CERT1: variants seen among roughly 807,000 people sequenced by gnomAD.
CERT1 encodes ceramide transporter 1, also known as ceramide transfer protein.
A neutral mutation model predicts 87.9 loss-of-function variants in CERT1; 31 were observed. That is an observed-to-expected ratio of 0.35 (90% CI 0.27 to 0.48). The LOEUF (loss-of-function observed/expected upper bound fraction) is 0.48. CERT1 is among the 20% of genes least tolerant of loss of function. The pLI is 0.99. For missense variants in CERT1, 487 were observed against 758.0 expected, an observed-to-expected ratio of 0.64 and a Z score of 4.20; for synonymous variants, 289 against 250.9, an observed-to-expected ratio of 1.15 and a Z score of -1.44.
At chr5:75,449,422 C>A (rs547851242) in intron 3 of CERT1, among the ~76,000 whole-genome samples, 1 of 152,176 alleles carries the variant, frequency 6.6e-6, no homozygotes, top group Non-Finnish European at 1.5e-5. Flanking sequence ...GTAGCGTATT[C>A]TAAATTTTCT....
chr5:75,496,646 C>A (rs768443597), intron 2 of CERT1, among the ~76,000 whole-genome samples: 10 of 152,128 alleles, frequency 6.6e-5, no homozygotes, highest in Middle Eastern at 3.4e-3. Context: ...CAATAAAAAG[C>A]AACAAGTTAA....
intron 8 of CERT1, among the ~76,000 whole-genome samples, chr5:75,403,428 T>C (rs531923361): frequency 5.9e-5 from 9 of 152,344 alleles, no homozygotes; most frequent in African/African-American, 1.4e-4. Flanking sequence ...AGTAATAATA[T>C]GACATGTGTG....
intron 7 of CERT1, among the ~76,000 whole-genome samples, chr5:75,415,608 T>A (rs1763102485): frequency 6.6e-6 from 1 of 152,164 alleles, no homozygotes; most frequent in Non-Finnish European, 1.5e-5. Flanking sequence ...GGTTAGAGTA[T>A]ATGACCAAAG....
At chr5:75,370,344 T>A (rs937606268) in intron 17 of CERT1, 2 of 152,206 alleles carry the variant, frequency 1.3e-5, no homozygotes, top group Non-Finnish European at 2.9e-5. Context: ...ATAAATTACC[T>A]GAGTGCAACA....
intron 17 of CERT1, chr5:75,371,357 A>T (rs1663603664): frequency 6.6e-6 from 1 of 152,216 alleles, no homozygotes; most frequent in South Asian, 2.1e-4. Context: ...GTTTAATTGG[A>T]CAAATAACTG....
At chr5:75,419,514 T>TCAGAATCCAGAGTAAAA in intron 5 of CERT1, 90 bp from the exon 6 acceptor site, 1 of 850,172 alleles carries the variant, frequency 1.2e-6, no homozygotes. Flanking sequence ...TTACTCTGGA[T>TCAGAATCCAGAGTAAAA]TCTGATTCTG....
At chr5:75,481,500 T>C (rs1580832811) in intron 2 of CERT1, among the ~76,000 whole-genome samples, 1 of 152,118 alleles carries the variant, frequency 6.6e-6, no homozygotes, top group African/African-American at 2.4e-5. Flanking sequence ...ATAAAAGATG[T>C]TAAAATAACA....
chr5:75,483,985 C>T (rs533328841), intron 2 of CERT1, among the ~76,000 whole-genome samples: 2 of 152,034 alleles, frequency 1.3e-5, no homozygotes, highest in East Asian at 1.9e-4. Context: ...AGTAGTAAGA[C>T]TAAAAGATGA....
At chr5:75,403,599 A>G (rs1762587575) in intron 8 of CERT1, among the ~76,000 whole-genome samples, 1 of 152,270 alleles carries the variant, frequency 6.6e-6, no homozygotes, top group Admixed American at 6.5e-5. Context: ...AAAAATTTGC[A>G]CAAGAACTAT....
At chr5:75,383,643 T>A (rs999323843) in intron 14 of CERT1, among the ~76,000 whole-genome samples, 1 of 152,172 alleles carries the variant, frequency 6.6e-6, no homozygotes, top group Admixed American at 6.5e-5. Flanking sequence ...ATGTCTCAGA[T>A]GACAAGACTG....
intron 3 of CERT1, among the ~76,000 whole-genome samples, chr5:75,435,799 A>C (rs1206145815): frequency 6.6e-6 from 1 of 152,136 alleles, no homozygotes; most frequent in Non-Finnish European, 1.5e-5. Context: ...TGGAGGGATA[A>C]GGCATTCCCA....
At chr5:75,373,453 C>T (rs1291725608), downstream of CERT1, 1 of 152,084 alleles carries the variant, frequency 6.6e-6, no homozygotes, top group African/African-American at 2.4e-5. Context: ...AAAAAAATCT[C>T]TAGTACACAG....
At chr5:75,376,926 T>C (rs141988337), downstream of CERT1, 74 of 152,332 alleles carry the variant, frequency 4.9e-4, no homozygotes, top group African/African-American at 1.6e-3. Context: ...TATTTCATTA[T>C]ATAATTGACT....
chr5:75,386,607 A>C (rs1448034283), intron 12 of CERT1, among the ~76,000 whole-genome samples: 1 of 152,204 alleles, frequency 6.6e-6, no homozygotes, highest in South Asian at 2.1e-4. Flanking sequence ...TACTTTAGAT[A>C]ATTATGTGAT....
At chr5:75,441,083 G>A (rs1371263433) in intron 3 of CERT1, among the ~76,000 whole-genome samples, 3 of 152,092 alleles carry the variant, frequency 2.0e-5, no homozygotes, top group African/African-American at 7.2e-5. Flanking sequence ...GTTCTAGTAT[G>A]TACAGTCATG....
At chr5:75,409,831 G>C (rs1003916378) in intron 8 of CERT1, among the ~76,000 whole-genome samples, 3 of 137,874 alleles carry the variant, frequency 2.2e-5, no homozygotes, top group African/African-American at 5.3e-5. Flanking sequence ...TGGCCAACAC[G>C]TTTTTTTTTT....
At chr5:75,462,576 C>A (rs1327003418) in intron 2 of CERT1, among the ~76,000 whole-genome samples, 2 of 151,888 alleles carry the variant, frequency 1.3e-5, no homozygotes, top group South Asian at 4.2e-4. Context: ...TTTGAGGACC[C>A]CCGATCTAAA....
At chr5:75,511,902 C>A (rs147973945), upstream of CERT1, 4 of 1,368,732 alleles carry the variant, frequency 2.9e-6, no homozygotes, top group Non-Finnish European at 4.0e-6. Context: ...TAGTCGCGAT[C>A]CTGAGGTAAC....
chr5:75,427,456 G>T (rs763021000), intron 3 of CERT1, among the ~76,000 whole-genome samples: 1 of 152,018 alleles, frequency 6.6e-6, no homozygotes, highest in Non-Finnish European at 1.5e-5. Context: ...AAAATTAGCC[G>T]GGCATGGTGG....
Sources: gnomAD v4.1 joint callset for allele counts (sites outside exome capture counted in the v4.1 genomes callset) on GRCh38, gnomAD v4.1.1 for gene constraint, MANE v1.5 for transcripts, NCBI Gene and HGNC (gene_info 2026-07-23, HGNC 2026-07-21) for gene names.